The following STK32B variants were observed in gnomAD, a reference collection of about 807,000 sequenced individuals.
The protein encoded by STK32B is serine/threonine-protein kinase 32B.
In STK32B, 43 loss-of-function variants were observed where a neutral mutation model predicts 52.6. That is an observed-to-expected ratio of 0.82 (90% CI 0.64 to 1.05). STK32B has a LOEUF of 1.05. STK32B is among the 50% of genes least tolerant of loss of function. The pLI, the probability that STK32B is intolerant of heterozygous loss-of-function variation, is 0.00. For missense variants in STK32B, 621 were observed against 534.6 expected, an observed-to-expected ratio of 1.16 and a Z score of -1.59; for synonymous variants, 238 against 204.3, an observed-to-expected ratio of 1.17 and a Z score of -1.41.
chr4:5,280,371 A>G (rs959560091), intron 3 of STK32B, among the ~76,000 whole-genome samples: 2 of 152,090 alleles, frequency 1.3e-5, no homozygotes, highest in African/African-American at 4.8e-5. Context: ...CCATGTCACT[A>G]TCAGCATCTT....
chr4:5,075,811 A>G (rs1207374494), intron 1 of STK32B, among the ~76,000 whole-genome samples: 2 of 152,142 alleles, frequency 1.3e-5, no homozygotes. Flanking sequence ...TGTCATATAA[A>G]TATTCTCCTG....
chr4:5,396,621 C>T lies in STK32B; in HGVS notation c.435-1586C>T, dbSNP rs1364706810. ...TGTGGCCCTTGTAGGCATTTTGTAG[C>T]TCACATTCCCTGGGCCACAGCCATC... On this transcript the variant is annotated intron_variant, in intron 4 of 11. Coordinates refer to ENST00000282908, the MANE Select transcript of STK32B (RefSeq NM_018401.3). This position sits in a 1 kb window ranked among gnomAD's most constrained non-coding sequence, Gnocchi z 4.7. Among the ~76,000 whole-genome samples, 1 of 152,170 alleles carries T rather than the reference C, an allele frequency of 6.6e-6. No homozygotes were observed. Among genetic ancestry groups the T allele is most frequent in the Non-Finnish European group, 1.5e-5 (1 of 68,026 alleles).
intron 3 of STK32B, among the ~76,000 whole-genome samples, chr4:5,292,600 A>C (rs1489082965): frequency 6.6e-6 from 1 of 151,688 alleles, no homozygotes; most frequent in East Asian, 1.9e-4. Flanking sequence ...TGTCTGTTTA[A>C]TATTTTGCTG....
At chr4:5,048,985 A>G (rs1158358643), upstream of STK32B, among the ~76,000 whole-genome samples, 1 of 152,226 alleles carries the variant, frequency 6.6e-6, no homozygotes. Context: ...CTGGACATGC[A>G]GAGTTCTCAA....
intron 3 of STK32B, among the ~76,000 whole-genome samples, chr4:5,172,937 C>G (rs1374062008): frequency 1.3e-5 from 2 of 152,084 alleles, no homozygotes; most frequent in African/African-American, 4.8e-5. Flanking sequence ...TCCGTCTGGT[C>G]CTGGAATTTT....
At chr4:5,270,822 G>T (rs1424828898) in intron 3 of STK32B, among the ~76,000 whole-genome samples, 1 of 152,170 alleles carries the variant, frequency 6.6e-6, no homozygotes, top group African/African-American at 2.4e-5. Flanking sequence ...TTACCAAAAA[G>T]ATAGTAAAAC....
intron 1 of STK32B, among the ~76,000 whole-genome samples, chr4:5,090,370 C>CTTTTTTTTTTTT (rs754643704): frequency 1.8e-5 from 1 of 56,544 alleles, no homozygotes; most frequent in Admixed American, 2.4e-4. Flanking sequence ...TTTAATCCAT[C>CTTTTTTTTTTTT]TTTTTTTTTT....
intron 6 of STK32B, among the ~76,000 whole-genome samples, chr4:5,445,871 C>A (rs1228741935): frequency 7.0e-6 from 1 of 143,502 alleles, no homozygotes; most frequent in Non-Finnish European, 1.5e-5. Context: ...TGCTTTCTGT[C>A]TTGTGGATTT....
At chr4:5,189,232 G>T (rs1720993112) in intron 3 of STK32B, among the ~76,000 whole-genome samples, 1 of 152,134 alleles carries the variant, frequency 6.6e-6, no homozygotes, top group Admixed American at 6.5e-5. Flanking sequence ...GTGGACAAAT[G>T]TATAATGATG....
chr4:5,170,150 T>C (rs1217165670), intron 3 of STK32B, among the ~76,000 whole-genome samples: 1 of 152,154 alleles, frequency 6.6e-6, no homozygotes, highest in Non-Finnish European at 1.5e-5. Flanking sequence ...CCAATGTAAA[T>C]ACTGCTGAGA....
chr4:5,433,962 C>T (rs902377337), intron 6 of STK32B, among the ~76,000 whole-genome samples: 12 of 152,154 alleles, frequency 7.9e-5, no homozygotes, highest in African/African-American at 2.2e-4. Flanking sequence ...CTGGAAGGCC[C>T]GTTATATGAT....
In STK32B at chr4:5,280,447, C is replaced by G. The variant is rs189669811; in HGVS notation, c.261-50773C>G. ...TTCCCTCATCTTCCTGACTCTCCCT[C>G]GTCTCCCTGTCTTCTTCTGATCCCT... On this transcript the variant is annotated intron_variant, in intron 3 of 11. Coordinates refer to ENST00000282908, the MANE Select transcript of STK32B (RefSeq NM_018401.3). Among the ~76,000 whole-genome samples the G allele has an allele frequency of 3.7e-3, 571 of 152,304 alleles. 13 individuals carry two copies. In the East Asian group the frequency reaches 0.07, roughly 19 times the overall value.
At chr4:5,193,346 G>A (rs1721383034) in intron 3 of STK32B, among the ~76,000 whole-genome samples, 1 of 152,188 alleles carries the variant, frequency 6.6e-6, no homozygotes, top group South Asian at 2.1e-4. Flanking sequence ...AGGGAATGCC[G>A]TGAACCGGTA....
At chr4:5,155,809 G>T (rs1434133346) in intron 2 of STK32B, among the ~76,000 whole-genome samples, 1 of 152,136 alleles carries the variant, frequency 6.6e-6, no homozygotes, top group Non-Finnish European at 1.5e-5. Context: ...AAACGGAACT[G>T]TGAGTCAATT....
intron 3 of STK32B, among the ~76,000 whole-genome samples, chr4:5,316,142 T>A (rs1730672435): frequency 1.0e-5 from 1 of 98,976 alleles, no homozygotes; most frequent in Non-Finnish European, 1.9e-5. Flanking sequence ...GTTATATATA[T>A]ATATAACTAA....
At chr4:5,189,497 T>G (rs1721015627) in intron 3 of STK32B, among the ~76,000 whole-genome samples, 1 of 152,196 alleles carries the variant, frequency 6.6e-6, no homozygotes, top group Non-Finnish European at 1.5e-5. Context: ...TCATTTCTTT[T>G]TAGTGACAAG....
intron 3 of STK32B, among the ~76,000 whole-genome samples, chr4:5,308,673 C>T (rs557940778): frequency 1.3e-5 from 2 of 152,184 alleles, no homozygotes; most frequent in African/African-American, 4.8e-5. Context: ...ATAATGTATC[C>T]AGAGCACCTA....
chr4:5,372,164 A>G (rs924254056), intron 4 of STK32B, among the ~76,000 whole-genome samples: 1 of 152,254 alleles, frequency 6.6e-6, no homozygotes. Context: ...AGAAGGGCTT[A>G]CATGTGAGAA....
At chr4:5,339,067 T>C (rs562526000) in intron 4 of STK32B, among the ~76,000 whole-genome samples, 1 of 152,334 alleles carries the variant, frequency 6.6e-6, no homozygotes, top group South Asian at 2.1e-4. Flanking sequence ...TCTACTTGAC[T>C]GAATTATCCA....
Sources: gnomAD v4.1 joint callset for allele counts (sites outside exome capture counted in the v4.1 genomes callset) on GRCh38, gnomAD v4.1.1 for gene constraint, Gnocchi (gnomAD v3.1) non-coding constraint, MANE v1.5 for transcripts, NCBI Gene and HGNC (gene_info 2026-07-23, HGNC 2026-07-21) for gene names.